WDPCP: variants seen among roughly 807,000 people sequenced by gnomAD.
The protein encoded by WDPCP is WD repeat containing planar cell polarity effector.
In WDPCP, 71 loss-of-function variants were observed where a neutral mutation model predicts 93.1. The ratio of observed to expected loss-of-function variants is 0.76; its 90% CI spans 0.63 to 0.93. The LOEUF (loss-of-function observed/expected upper bound fraction) is 0.93. WDPCP is among the 40% of genes least tolerant of loss of function. The probability of loss-of-function intolerance (pLI) is 0.00; values close to 1 mark genes in which losing one functional copy is unlikely to be tolerated. For missense variants in WDPCP, 844 were observed against 887.4 expected, an observed-to-expected ratio of 0.95 and a Z score of 0.62; for synonymous variants, 315 against 315.0, an observed-to-expected ratio of 1.00 and a Z score of 0.00.
intron 9 of WDPCP, among the ~76,000 whole-genome samples, chr2:63,422,202 T>C (rs990470227): frequency 6.6e-6 from 1 of 151,902 alleles, no homozygotes; most frequent in Non-Finnish European, 1.5e-5. Flanking sequence ...ATATACAAGA[T>C]AAACAAGGAA....
At chr2:63,739,892 G>A (rs905172148) in intron 2 of WDPCP, among the ~76,000 whole-genome samples, 1 of 151,840 alleles carries the variant, frequency 6.6e-6, no homozygotes, top group Non-Finnish European at 1.5e-5. Flanking sequence ...TTAGAGAAGT[G>A]TCTATTCATG....
chr2:63,572,330 C>A (rs1019602526), intron 1 of WDPCP, among the ~76,000 whole-genome samples: 10 of 152,118 alleles, frequency 6.6e-5, no homozygotes, highest in South Asian at 2.1e-4. Flanking sequence ...TAGAAACTAC[C>A]TTATCATGTG....
chr2:63,580,042 C>T (rs935551171), intron 1 of WDPCP, among the ~76,000 whole-genome samples: 1 of 152,130 alleles, frequency 6.6e-6, no homozygotes, highest in Non-Finnish European at 1.5e-5. Flanking sequence ...CATGAGATGA[C>T]CCTCACCAGA....
intron 14 of WDPCP, among the ~76,000 whole-genome samples, chr2:63,257,238 T>C (rs1233988612): frequency 1.4e-4 from 22 of 152,180 alleles, no homozygotes; most frequent in Non-Finnish European, 4.4e-5. Context: ...ATAATTTGGC[T>C]CCTTGCTTGC....
intron 2 of WDPCP, among the ~76,000 whole-genome samples, chr2:63,775,144 G>A (rs537016619): frequency 2.0e-5 from 3 of 152,224 alleles, no homozygotes; most frequent in South Asian, 4.1e-4. Context: ...GACCCCAACC[G>A]ATATTTTCAA....
intron 3 of WDPCP, chr2:63,643,479 C>G: frequency 2.9e-6 from 1 of 348,680 alleles, no homozygotes; most frequent in African/African-American, 2.2e-5. Flanking sequence ...TTATCCTTCC[C>G]AGGTTAGCAC....
intron 2 of WDPCP, chr2:63,684,361 C>G: frequency 2.8e-6 from 2 of 706,212 alleles, no homozygotes; most frequent in Admixed American, 1.9e-5. Flanking sequence ...GGACACTACT[C>G]TGGACGCAAA....
chr2:63,729,960 G>T (rs934829235), intron 2 of WDPCP, among the ~76,000 whole-genome samples: 1 of 152,106 alleles, frequency 6.6e-6, no homozygotes, highest in African/African-American at 2.4e-5. Context: ...TCATTGGCTG[G>T]CATTTATTTA....
intron 10 of WDPCP, among the ~76,000 whole-genome samples, chr2:63,392,712 A>C (rs1033194872): frequency 3.9e-5 from 6 of 152,344 alleles, no homozygotes; most frequent in Admixed American, 3.3e-4. Context: ...CAACCCCATC[A>C]AAAAGTGGGC....
chr2:63,497,203 C>A (rs1004113733), intron 1 of WDPCP, among the ~76,000 whole-genome samples: 2 of 150,078 alleles, frequency 1.3e-5, no homozygotes, highest in Admixed American at 6.6e-5. Flanking sequence ...TGGTGGTATA[C>A]AGACAAAGCA....
chr2:63,368,302 ATTT>A (rs1558527628), intron 12 of WDPCP, among the ~76,000 whole-genome samples: 564 of 43,012 alleles, frequency 0.013, 4 homozygotes, highest in Middle Eastern at 0.083. Flanking sequence ...TTTTTAATTT[ATTT>A]ATTTATTTAT....
Position 63,664,802 on chromosome 2 carries a change from T to C in WDPCP, n.309-13964A>G, listed in dbSNP as rs1710265529. 2.0e-5 allele frequency among the ~76,000 whole-genome samples: 3 copies of C among 152,334 alleles called. No homozygotes were observed. The South Asian group carries it at 6.2e-4, about 32-fold the overall frequency. On this transcript the variant is annotated intron_variant and non_coding_transcript_variant, in intron 2 of 4. Coordinates refer to the WDPCP transcript ENST00000467687. Reference sequence around the variant, plus strand: ...TTCAGCACTTTATATACATATATAATAATTTACTTCTTAGAATAACCCTTT... The same window carrying C: ...TTCAGCACTTTATATACATATATAACAATTTACTTCTTAGAATAACCCTTT...
At chr2:63,575,207 T>C (rs1707829480) in intron 1 of WDPCP, among the ~76,000 whole-genome samples, 1 of 151,224 alleles carries the variant, frequency 6.6e-6, no homozygotes, top group Non-Finnish European at 1.5e-5. Flanking sequence ...CTATGTTACA[T>C]AATAGAAATA....
At chr2:63,483,789 A>G (rs114645894) in intron 6 of WDPCP, among the ~76,000 whole-genome samples, 8 of 152,054 alleles carry the variant, frequency 5.3e-5, no homozygotes, top group Middle Eastern at 6.8e-3. Context: ...ATGACTAATA[A>G]TTATTCTTTT....
At chr2:63,642,246 G>A (rs1356376550) in intron 3 of WDPCP, among the ~76,000 whole-genome samples, 5 of 151,950 alleles carry the variant, frequency 3.3e-5, no homozygotes, top group African/African-American at 7.2e-5. Context: ...GTTGGGTAAC[G>A]TAATTCCTCC....
chr2:63,489,552 T>C (rs1700751602), intron 2 of WDPCP, among the ~76,000 whole-genome samples: 1 of 151,956 alleles, frequency 6.6e-6, no homozygotes. Context: ...ATTCCTAGGC[T>C]AGGGAAAGGA....
chr2:63,120,874 A>G lies in WDPCP; in HGVS notation c.*1132T>C, dbSNP rs190819674. Among the ~76,000 whole-genome samples, 14 of 152,230 alleles carry G rather than the reference A, an allele frequency of 9.2e-5. No homozygotes were observed. In the East Asian group the frequency reaches 2.7e-3, roughly 29 times the overall value. On this transcript the variant is annotated 3_prime_UTR_variant, in exon 18 of 18. Transcript: ENST00000272321. ...TTGTGAAATATCAGTTATCTGCTAA[A>G]GAATGGGTGTCAATAACTGTGAAGG...
At chr2:63,648,560 T>G (rs1010924247) in intron 3 of WDPCP, among the ~76,000 whole-genome samples, 2 of 152,224 alleles carry the variant, frequency 1.3e-5, no homozygotes, top group Non-Finnish European at 2.9e-5. Context: ...CTGCAACCCC[T>G]GATATGATTT....
intron 3 of WDPCP, chr2:63,642,618 C>A (rs778230381): frequency 4.6e-5 from 7 of 152,044 alleles, no homozygotes; most frequent in South Asian, 2.1e-4. Context: ...TGTTAACATA[C>A]AGTAATGCTA....
Sources: allele counts gnomAD v4.1 joint callset (sites outside exome capture counted in the v4.1 genomes callset), GRCh38; gene constraint gnomAD v4.1.1; transcripts MANE v1.5; gene names NCBI Gene and HGNC (gene_info 2026-07-23, HGNC 2026-07-21).